EPHB2: variants seen among roughly 807,000 people sequenced by gnomAD.
EPHB2 encodes the protein EPH receptor B2.
Under a neutral mutation model 96.4 loss-of-function variants are expected in EPHB2, and 18 were observed. That is an observed-to-expected ratio of 0.19 (90% confidence interval 0.13 to 0.28). The LOEUF (loss-of-function observed/expected upper bound fraction) is 0.28, where lower values mean the gene tolerates loss of function less well. EPHB2 is among the 10% of genes least tolerant of loss of function. The pLI, the probability that EPHB2 is intolerant of heterozygous loss-of-function variation, is 1.00. For missense variants in EPHB2, 989 were observed against 1,355.4 expected (o/e 0.73, Z 4.25); for synonymous variants, 506 against 534.1 (o/e 0.95, Z 0.72).
chr1:22,895,578 C>T lies in EPHB2; in HGVS notation c.1698C>T (p.Asn566=). Residue 566 remains asparagine (N), a splice_region_variant and synonymous_variant, in exon 8 of 16, where the codon AAC becomes AAT. Coordinates refer to ENST00000374630, the MANE Select transcript of EPHB2 (RefSeq NM_017449.5). Reference sequence around the variant, plus strand: ...TGGTTGTCATCGCCATCGTGTGTAACAGGTGGGTGGGGTCTCCAGGCTTGG... The same window carrying T: ...TGGTTGTCATCGCCATCGTGTGTAATAGGTGGGTGGGGTCTCCAGGCTTGG... ...IAVVVIAIVC[N]RRGFERADSE... 3 of 1,614,202 alleles carry T rather than the reference C, an allele frequency of 1.9e-6. No homozygotes were observed. The highest frequency in any genetic ancestry group is 1.3e-5 in the African/African-American group (1 of 75,056).
At chr1:22,757,053 C>G (rs957100779) in intron 1 of EPHB2, among the ~76,000 whole-genome samples, 11 of 152,096 alleles carry the variant, frequency 7.2e-5, no homozygotes, top group African/African-American at 2.7e-4. Flanking sequence ...TATATTGTTT[C>G]AATATCTTGT....
intron 1 of EPHB2, among the ~76,000 whole-genome samples, chr1:22,722,395 A>G (rs542178580): frequency 6.6e-6 from 1 of 152,234 alleles, no homozygotes; most frequent in Non-Finnish European, 1.5e-5. Flanking sequence ...ACTGGCTGGC[A>G]GTTTACAACC....
Position 22,913,653 on chromosome 1 carries a change from T to G in EPHB2, c.*83T>G. On this transcript the variant is annotated 3_prime_UTR_variant, in exon 16 of 16. Transcript: ENST00000374630. This position sits in a 1 kb window ranked among gnomAD's most constrained non-coding sequence, Gnocchi z 4.1. ...CCGGCCCTCCTGGTGCTCTATCCACTGCAGGGCCAGCCACTCGCCAGGAGG... is the reference window on the plus strand; with the variant it reads ...CCGGCCCTCCTGGTGCTCTATCCACGGCAGGGCCAGCCACTCGCCAGGAGG... 1 of 1,599,804 alleles carries G rather than the reference T, an allele frequency of 6.3e-7. No individual in the cohort carries two copies. Among genetic ancestry groups the G allele is most frequent in the Non-Finnish European group, 8.5e-7 (1 of 1,173,902 alleles).
intron 1 of EPHB2, among the ~76,000 whole-genome samples, chr1:22,760,235 T>TG (rs1452471122): frequency 6.6e-6 from 1 of 151,156 alleles, no homozygotes; most frequent in Non-Finnish European, 1.5e-5. Context: ...GCATGGAGGA[T>TG]GGGGTGGAGG....
chr1:22,764,859 C>T (rs970358224), intron 1 of EPHB2, among the ~76,000 whole-genome samples: 5 of 152,304 alleles, frequency 3.3e-5, no homozygotes, highest in South Asian at 4.1e-4. Flanking sequence ...GCCAGGTTCC[C>T]GCTCCCCTGC....
chr1:22,830,683 G>A (rs1048396473), intron 3 of EPHB2, among the ~76,000 whole-genome samples: 5 of 151,244 alleles, frequency 3.3e-5, no homozygotes, highest in Non-Finnish European at 5.9e-5. Context: ...TCAGCCTCTC[G>A]AGTAGCTGGG....
intron 5 of EPHB2, among the ~76,000 whole-genome samples, chr1:22,867,889 A>G (rs375030380): frequency 3.9e-5 from 6 of 152,182 alleles, no homozygotes; most frequent in East Asian, 3.9e-4. Flanking sequence ...AAGAAAAAAA[A>G]AGTCAACAAG....
chr1:22,875,371 C>T lies in EPHB2; in HGVS notation c.1304-6988C>T, dbSNP rs1638804626. ...TGGAGAGGACTAGCGCAGTGACAAG[C>T]AATTGTCATGGAACTGTTAGCTAGC... On this transcript the variant is annotated intron_variant, in intron 5 of 15. Transcript: ENST00000374630. This position sits in a 1 kb window ranked among gnomAD's most constrained non-coding sequence, Gnocchi z 4.2. 6.6e-6 allele frequency among the ~76,000 whole-genome samples: 1 copy of T among 152,200 alleles called. No homozygotes were observed. Among genetic ancestry groups the T allele is most frequent in the Admixed American group, 6.5e-5 (1 of 15,280 alleles).
chr1:22,906,180 C>T lies in EPHB2; in HGVS notation c.1888+71C>T, dbSNP rs1470887156. The T allele has an allele frequency of 1.4e-5, 23 of 1,606,616 alleles. No homozygotes were observed. The highest frequency in any genetic ancestry group is 5.4e-5 in the African/African-American group (4 of 74,764). ...TGGTGAGACCACCCCAATGTATACC[C>T]TTGGGGCAGAAGGTAGGATGTGGGA... On this transcript the variant is annotated intron_variant, in intron 10 of 15. Coordinates refer to ENST00000374630, the MANE Select transcript of EPHB2 (RefSeq NM_017449.5). The surrounding 1 kb of genome is among the most constrained non-coding windows in gnomAD (Gnocchi z 4.8).
intron 3 of EPHB2, among the ~76,000 whole-genome samples, chr1:22,856,049 G>A (rs1446385750): frequency 1.3e-5 from 2 of 152,202 alleles, no homozygotes; most frequent in Non-Finnish European, 2.9e-5. Context: ...GGAAGACAGA[G>A]ATGCTCCTTC....
Position 22,846,068 on chromosome 1 carries a change from G to A in EPHB2, c.812-16969G>A, listed in dbSNP as rs146242381. On this transcript the variant is annotated intron_variant, in intron 3 of 15. Transcript: ENST00000374630. The surrounding 1 kb of genome is among the most constrained non-coding windows in gnomAD (Gnocchi z 4.3). ...GTTAGACCCTAAGGATCCCTGCAGA[G>A]GAGCCCAGGATGCCCAGGTACCTGC... Among the ~76,000 whole-genome samples the A allele has an allele frequency of 2.6e-3, 397 of 152,246 alleles. 4 individuals carry two copies. Among genetic ancestry groups the A allele is most frequent in the African/African-American group, 9.1e-3 (380 of 41,540 alleles).
intron 5 of EPHB2, among the ~76,000 whole-genome samples, chr1:22,870,032 A>G (rs1638609705): frequency 1.3e-5 from 2 of 152,188 alleles, no homozygotes; most frequent in Non-Finnish European, 2.9e-5. Flanking sequence ...GGAGAAGTGC[A>G]ATCGGGCTGG....
At chr1:22,899,019 C>T (rs1240180441) in intron 9 of EPHB2, among the ~76,000 whole-genome samples, 1 of 151,954 alleles carries the variant, frequency 6.6e-6, no homozygotes, top group Non-Finnish European at 1.5e-5. Flanking sequence ...CACAGAGAAA[C>T]CCCGTCTCTA....
intron 5 of EPHB2, among the ~76,000 whole-genome samples, chr1:22,870,626 G>A (rs1638632458): frequency 6.6e-6 from 1 of 152,192 alleles, no homozygotes; most frequent in Non-Finnish European, 1.5e-5. Flanking sequence ...GCTGGGAGGT[G>A]TAGCATTTCA....
At chr1:22,863,992 G>A (rs1017618630) in intron 4 of EPHB2, among the ~76,000 whole-genome samples, 1 of 151,248 alleles carries the variant, frequency 6.6e-6, no homozygotes, top group Non-Finnish European at 1.5e-5. Flanking sequence ...CCAAAGTGCT[G>A]GATTACAGGC....
chr1:22,835,317 C>A (rs1645364169), intron 3 of EPHB2, among the ~76,000 whole-genome samples: 1 of 151,700 alleles, frequency 6.6e-6, no homozygotes, highest in Non-Finnish European at 1.5e-5. Flanking sequence ...GAGATCAATG[C>A]TACAGTGAGC....
At chr1:22,755,396 G>A (rs889074266) in intron 1 of EPHB2, among the ~76,000 whole-genome samples, 3 of 152,192 alleles carry the variant, frequency 2.0e-5, no homozygotes, top group African/African-American at 7.2e-5. Flanking sequence ...TGGATGCAGG[G>A]GAGGGGATGC....
chr1:22,808,099 A>C (rs918144341), intron 3 of EPHB2, among the ~76,000 whole-genome samples: 6 of 151,448 alleles, frequency 4.0e-5, no homozygotes, highest in African/African-American at 1.5e-4. Context: ...GTGCCACTGC[A>C]CTCCAGCCTG....
chr1:22,794,773 G>C lies in EPHB2; in HGVS notation c.811+9697G>C, dbSNP rs925107942. On this transcript the variant is annotated intron_variant, in intron 3 of 15. Transcript: ENST00000374630. Reference sequence around the variant, plus strand: ...TGGAGCCCTGCACTGTCCTCTCTCGGCCCCAGACTGGCTCATCTGGACCCT... The same window carrying C: ...TGGAGCCCTGCACTGTCCTCTCTCGCCCCCAGACTGGCTCATCTGGACCCT... Among the ~76,000 whole-genome samples, 10 of 152,166 alleles carry C rather than the reference G, an allele frequency of 6.6e-5. No homozygotes were observed. The East Asian group carries it at 1.7e-3, about 26-fold the overall frequency.
Sources: gnomAD v4.1 joint callset for allele counts (sites outside exome capture counted in the v4.1 genomes callset) on GRCh38, gnomAD v4.1.1 for gene constraint, Gnocchi (gnomAD v3.1) non-coding constraint, MANE v1.5 for transcripts, NCBI Gene and HGNC (gene_info 2026-07-23, HGNC 2026-07-21) for gene names.